NMS: variants seen among roughly 807,000 people sequenced by gnomAD.
The protein encoded by NMS is neuromedin-S.
NMS carries 30 observed loss-of-function variants against 32.2 expected under a neutral mutation model. That is an observed-to-expected ratio of 0.93 (90% CI 0.70 to 1.26). NMS has a LOEUF of 1.26. Among genes scored for constraint, NMS ranks in the 50% most tolerant of loss-of-function variants. NMS has a pLI of 0.00. For missense variants in NMS, 190 were observed against 186.3 expected, an observed-to-expected ratio of 1.02 and a Z score of -0.12; for synonymous variants, 76 against 58.5, an observed-to-expected ratio of 1.30 and a Z score of -1.37.
At chr2:100,476,449 C>T (rs1293597549) in intron 3 of NMS, among the ~76,000 whole-genome samples, 1 of 152,136 alleles carries the variant, frequency 6.6e-6, no homozygotes, top group Non-Finnish European at 1.5e-5. Context: ...AGAAATTCTC[C>T]ACAAAGTTTG....
At chr2:100,471,983 G>T (rs192529359) in intron 1 of NMS, among the ~76,000 whole-genome samples, 1 of 152,286 alleles carries the variant, frequency 6.6e-6, no homozygotes, top group Admixed American at 6.5e-5. Flanking sequence ...TATCTTTTAA[G>T]GTTTAGGCAC....
At chr2:100,478,438 G>A (rs1009923484) in intron 5 of NMS, among the ~76,000 whole-genome samples, 1 of 152,094 alleles carries the variant, frequency 6.6e-6, no homozygotes, top group African/African-American at 2.4e-5. Context: ...GTAGGAATAG[G>A]GCTCAGGTAA....
At chr2:100,482,154 G>A in intron 8 of NMS, 123 bp from the exon 9 acceptor site, 1 of 929,458 alleles carries the variant, frequency 1.1e-6, no homozygotes, top group Non-Finnish European at 1.8e-6. Context: ...TCCCCATGGA[G>A]GGGAGTGAAG....
At chr2:100,482,691 C>T (rs1016747356) in intron 9 of NMS, among the ~76,000 whole-genome samples, 1 of 152,144 alleles carries the variant, frequency 6.6e-6, no homozygotes, top group Non-Finnish European at 1.5e-5. Flanking sequence ...GATGGTGCAC[C>T]AAGGAGTTCT....
intron 1 of NMS, among the ~76,000 whole-genome samples, chr2:100,471,752 C>T (rs1433150541): frequency 1.3e-5 from 2 of 152,194 alleles, no homozygotes; most frequent in African/African-American, 2.4e-5. Flanking sequence ...TCACCAAAAA[C>T]TTCTTTAGGC....
chr2:100,476,503 T>G (rs1216091846), intron 3 of NMS, among the ~76,000 whole-genome samples: 1 of 152,192 alleles, frequency 6.6e-6, no homozygotes, highest in Non-Finnish European at 1.5e-5. Flanking sequence ...AAAGTATTAT[T>G]AACAACTTTA....
Position 100,477,419 on chromosome 2 carries a change from G to C in NMS, c.261+5G>C, listed in dbSNP as rs375130373. ...ACACATCCAGTTAAAACTGGGGTCA[G>C]TATTTTATTATAATCATCTGTCTGT... On this transcript the variant is annotated splice_donor_5th_base_variant and intron_variant, in intron 5 of 9. Coordinates refer to ENST00000376865, the MANE Select transcript of NMS (RefSeq NM_001011717.1). The C allele has an allele frequency of 1.0e-5, 16 of 1,607,014 alleles. No individual in the cohort carries two copies. The East Asian group carries it at 3.3e-4, about 34-fold the overall frequency.
intron 2 of NMS, 102 bp downstream of exon 2, chr2:100,472,952 G>T: frequency 1.3e-6 from 1 of 766,036 alleles, no homozygotes; most frequent in Admixed American, 2.5e-5. Flanking sequence ...CAGATTTTTG[G>T]CTGCAGCAGA....
chr2:100,481,038 C>T lies in NMS; in HGVS notation c.373-88C>T. ...GTTGGTGCCACTGGTCTGGGACCAC[C>T]CATTTTGAAAACTGTTCCTATAGAC... is the stretch of plus-strand genomic sequence containing the variant. On this transcript the variant is annotated intron_variant, in intron 7 of 9. Transcript: ENST00000376865. The T allele has an allele frequency of 2.2e-6, 3 of 1,340,880 alleles. No individual in the cohort carries two copies. The Admixed American group carries it at 5.0e-5, about 22-fold the overall frequency. The allele number at this position is 1,340,880 out of a possible 1,614,324, so 83.1% of individuals were successfully genotyped here. A position where few individuals can be genotyped will look rare whatever the true frequency, so the allele number is the denominator to read the frequency against.
chr2:100,474,823 G>A (rs72823227), intron 3 of NMS, among the ~76,000 whole-genome samples: 3,611 of 152,302 alleles, frequency 0.024, 63 homozygotes, highest in East Asian at 0.067. Flanking sequence ...CTATGCATAT[G>A]TTTGAAGGCA....
chr2:100,477,297 A>T (rs1424771311), intron 4 of NMS, 30 bp downstream of exon 4: 2 of 1,611,788 alleles, frequency 1.2e-6, no homozygotes, highest in African/African-American at 1.3e-5. Flanking sequence ...GTACAAGTGC[A>T]TGCAGCTTCC....
intron 5 of NMS, 78 bp from the exon 6 acceptor site, chr2:100,479,275 G>T: frequency 1.0e-6 from 1 of 993,088 alleles, no homozygotes; most frequent in Non-Finnish European, 1.4e-6. Context: ...AGAAAGAAAT[G>T]CGCATAGCCC....
At position 100,481,157 on chromosome 2, in the gene NMS, T is replaced by C. The variant is rs777219545; in HGVS notation, c.404T>C (p.Phe135Ser). The change falls in exon 8 of 10, where the codon TTC becomes TCC. Residue 135 changes from phenylalanine (F) to serine (S), a missense_variant. By Grantham distance (155) the Phe-to-Ser change is radical. Transcript: ENST00000376865. Reference protein sequence around the residue: ...DHTATWGRPFFLFRPRNGRNI... With the variant: ...DHTATWGRPFSLFRPRNGRNI... ...ACTGCGACCTGGGGACGACCCTTTT[T>C]CCTTTTCAGGGTATAGCATGTTTTC... 1.2e-6 allele frequency: 2 copies of C among 1,614,190 alleles called. No individual in the cohort carries two copies. The highest frequency in any genetic ancestry group is 3.3e-5 in the Admixed American group (2 of 60,028).
intron 3 of NMS, among the ~76,000 whole-genome samples, chr2:100,476,007 A>AAAAAG (rs942484068): frequency 1.9e-4 from 29 of 151,802 alleles, no homozygotes; most frequent in Non-Finnish European, 2.6e-4. Context: ...TCCAAAAAAA[A>AAAAAG]AAAAGAAAAG....
chr2:100,475,172 C>T (rs976794974), intron 3 of NMS, among the ~76,000 whole-genome samples: 1 of 152,194 alleles, frequency 6.6e-6, no homozygotes, highest in African/African-American at 2.4e-5. Context: ...AGGGGTCACT[C>T]AGTGAACAAA....
chr2:100,482,029 G>T (rs568594391), intron 8 of NMS, among the ~76,000 whole-genome samples: 1 of 152,062 alleles, frequency 6.6e-6, no homozygotes, highest in African/African-American at 2.4e-5. Context: ...AAAGACTAAA[G>T]GGGGGGGATG....
intron 1 of NMS, among the ~76,000 whole-genome samples, chr2:100,471,168 G>A (rs1038164217): frequency 3.3e-5 from 5 of 152,170 alleles, no homozygotes; most frequent in African/African-American, 1.2e-4. Context: ...GAACAGGGGT[G>A]GAGTGAGGGT....
In NMS at chr2:100,481,058, A is replaced by G. The variant is rs896773796; in HGVS notation, c.373-68A>G. On this transcript the variant is annotated intron_variant, in intron 7 of 9. Coordinates refer to ENST00000376865, the MANE Select transcript of NMS (RefSeq NM_001011717.1). The stretch of plus-strand genomic sequence containing the variant: ...ACCACCCATTTTGAAAACTGTTCCT[A>G]TAGACATTTTTGAAGAACTTGTAAT... 7.2e-6 allele frequency: 11 copies of G among 1,527,430 alleles called. No individual in the cohort carries two copies. In the African/African-American group the frequency reaches 9.6e-5, roughly 13 times the overall value. The allele number at this position is 1,527,430 out of a possible 1,614,324, so 94.6% of individuals were successfully genotyped here.
chr2:100,480,691 G>T (rs1337326883), intron 7 of NMS, among the ~76,000 whole-genome samples, 160 bp downstream of exon 7: 5 of 152,166 alleles, frequency 3.3e-5, no homozygotes, highest in African/African-American at 1.2e-4. Context: ...GAGCAATTAA[G>T]TTCAGGTTTC....
Sources: gnomAD v4.1 joint callset for allele counts (sites outside exome capture counted in the v4.1 genomes callset) on GRCh38, gnomAD v4.1.1 for gene constraint, MANE v1.5 for transcripts, NCBI Gene and HGNC (gene_info 2026-07-23, HGNC 2026-07-21) for gene names.